ETNK1: variants seen among roughly 807,000 people sequenced by gnomAD.
ETNK1 encodes ethanolamine kinase 1.
In ETNK1, 8 loss-of-function variants were observed where a neutral mutation model predicts 45.1. That is an observed-to-expected ratio of 0.18 (90% confidence interval 0.10 to 0.32). The LOEUF is 0.32. Ranked by LOEUF, ETNK1 falls within the 10% of genes least tolerant of loss-of-function variation. The probability of loss-of-function intolerance (pLI) is 1.00; values close to 1 mark genes in which losing one functional copy is unlikely to be tolerated. For synonymous variants in ETNK1, 152 were observed against 151.9 expected (o/e 1.00, Z -0.01); for missense variants, 302 against 430.6 (o/e 0.70, Z 2.64).
At chr12:22,670,916 GA>G (rs1954101354) in intron 4 of ETNK1, among the ~76,000 whole-genome samples, 2 of 152,164 alleles carry the variant, frequency 1.3e-5, no homozygotes, top group African/African-American at 4.8e-5. Flanking sequence ...AATTTCCAAA[GA>G]TAAAAATTAT....
intron 2 of ETNK1, chr12:22,644,448 TTAATA>T (rs1252492809): frequency 3.1e-6 from 3 of 972,718 alleles, no homozygotes; most frequent in South Asian, 4.7e-5. Context: ...ATTATTTAAT[TTAATA>T]TATTATGTTT....
chr12:22,640,020 A>G (rs950254384), intron 1 of ETNK1, among the ~76,000 whole-genome samples: 13 of 152,174 alleles, frequency 8.5e-5, no homozygotes, highest in African/African-American at 3.1e-4. Context: ...TTTAATTGCC[A>G]ATTTTCAGAG....
At chr12:22,638,129 G>C (rs767688871) in intron 1 of ETNK1, among the ~76,000 whole-genome samples, 1 of 152,136 alleles carries the variant, frequency 6.6e-6, no homozygotes, top group Non-Finnish European at 1.5e-5. Context: ...TGGCAGAGAA[G>C]GGAAGGAGAA....
At chr12:22,625,857 C>T in intron 1 of ETNK1, 1 of 678,360 alleles carries the variant, frequency 1.5e-6, no homozygotes, top group South Asian at 1.5e-5. Context: ...GGGGAGATTC[C>T]TGCTGATAGT....
intron 4 of ETNK1, among the ~76,000 whole-genome samples, chr12:22,662,538 G>A (rs1200088647): frequency 6.6e-6 from 1 of 151,986 alleles, no homozygotes; most frequent in African/African-American, 2.4e-5. Context: ...GGGACTACAG[G>A]TACATGCCAT....
intron 4 of ETNK1, among the ~76,000 whole-genome samples, chr12:22,668,824 G>A (rs990700717): frequency 9.2e-5 from 14 of 152,100 alleles, no homozygotes; most frequent in Non-Finnish European, 1.9e-4. Flanking sequence ...ACTACAAAAA[G>A]TCATTGCTAA....
chr12:22,654,246 T>C (rs913108028), intron 2 of ETNK1, among the ~76,000 whole-genome samples: 1 of 152,312 alleles, frequency 6.6e-6, no homozygotes, highest in Middle Eastern at 3.4e-3. Context: ...TAAAGCAGCC[T>C]GAAAGGACTA....
intron 1 of ETNK1, among the ~76,000 whole-genome samples, chr12:22,626,709 A>G (rs574937826): frequency 3.7e-4 from 56 of 152,332 alleles, no homozygotes; most frequent in African/African-American, 1.3e-3. Context: ...AAGAGTTTTT[A>G]AGCAGATTAT....
chr12:22,676,404 A>G lies in ETNK1; in HGVS notation c.945+2744A>G, dbSNP rs139891471. Among the ~76,000 whole-genome samples the G allele has an allele frequency of 5.8e-3, 886 of 152,146 alleles. 6 individuals carry two copies. Among genetic ancestry groups the G allele is most frequent in the African/African-American group, 0.02 (839 of 41,476 alleles). Reference sequence around the variant, plus strand: ...GTGCCACATTTTCTTTATCCAATCTATCATTGATGGGCATTTGGGTTGGTT... The same window carrying G: ...GTGCCACATTTTCTTTATCCAATCTGTCATTGATGGGCATTTGGGTTGGTT... On this transcript the variant is annotated intron_variant, in intron 6 of 7. Transcript: ENST00000266517.
chr12:22,644,538 T>C (rs959652316), intron 2 of ETNK1: 24 of 334,294 alleles, frequency 7.2e-5, no homozygotes, highest in African/African-American at 5.0e-4. Context: ...CTTTCTGCTC[T>C]TGAAAACTCT....
rs868726554 is a variant in ETNK1, at chr12:22,655,337, T to G, written c.417-3677T>G. Among the ~76,000 whole-genome samples, 593 of 145,954 alleles carry G rather than the reference T, an allele frequency of 4.1e-3. 2 individuals carry two copies. Among genetic ancestry groups the G allele is most frequent in the Non-Finnish European group, 5.7e-3 (373 of 65,734 alleles). ...TATTTGGGGTTTGTTTGTTTTTTTTTTTTTTTTTTTTTTTTCGAGACGGAG... is the reference window on the plus strand; with the variant it reads ...TATTTGGGGTTTGTTTGTTTTTTTTGTTTTTTTTTTTTTTTCGAGACGGAG... On this transcript the variant is annotated intron_variant, in intron 2 of 7. Transcript: ENST00000266517.
chr12:22,679,013 A>T (rs1461212770), intron 6 of ETNK1, among the ~76,000 whole-genome samples: 2 of 152,252 alleles, frequency 1.3e-5, no homozygotes, highest in East Asian at 3.8e-4. Context: ...AAGTACTCAC[A>T]TATGGAGTTT....
At chr12:22,681,499 G>C (rs933750115) in intron 6 of ETNK1, among the ~76,000 whole-genome samples, 4 of 151,918 alleles carry the variant, frequency 2.6e-5, no homozygotes, top group Non-Finnish European at 4.4e-5. Context: ...ATTTAGACTA[G>C]TGGTTCTCAA....
chr12:22,632,348 C>A (rs1459728915), intron 1 of ETNK1, among the ~76,000 whole-genome samples: 2 of 151,936 alleles, frequency 1.3e-5, no homozygotes, highest in African/African-American at 4.8e-5. Flanking sequence ...TACATAGTTG[C>A]AATCATACGT....
rs1025226441 is a variant in ETNK1, at chr12:22,659,648, A to G, written c.557+494A>G. Among the ~76,000 whole-genome samples, 4 of 152,172 alleles carry G rather than the reference A, an allele frequency of 2.6e-5. No homozygotes were observed. In the East Asian group the frequency reaches 5.8e-4, roughly 22 times the overall value. On this transcript the variant is annotated intron_variant, in intron 3 of 7. Transcript: ENST00000266517. ...TGGAAATTACAGTAGTAGTATATTA[A>G]CCATATAGAGTTTTTGTGAGGATTG...
intron 2 of ETNK1, among the ~76,000 whole-genome samples, chr12:22,649,966 G>A (rs1170478433): frequency 6.6e-6 from 1 of 151,748 alleles, no homozygotes. Context: ...TTAGTTATTT[G>A]GTTTCTTTTA....
At chr12:22,680,142 C>T (rs1954200879) in intron 6 of ETNK1, among the ~76,000 whole-genome samples, 1 of 152,146 alleles carries the variant, frequency 6.6e-6, no homozygotes, top group Non-Finnish European at 1.5e-5. Flanking sequence ...CCCTAGTGTT[C>T]TGATTTGGGT....
intron 1 of ETNK1, among the ~76,000 whole-genome samples, chr12:22,634,463 T>G (rs1211620023): frequency 4.6e-5 from 7 of 152,190 alleles, no homozygotes; most frequent in African/African-American, 1.7e-4. Context: ...CTTTTTCTAT[T>G]TTTGGAAGAG....
intron 6 of ETNK1, among the ~76,000 whole-genome samples, chr12:22,680,902 C>G (rs958599265): frequency 1.4e-4 from 19 of 136,720 alleles, no homozygotes; most frequent in South Asian, 2.8e-4. Flanking sequence ...CCCCGCCCCC[C>G]CCTCCATTAT....
Sources: gnomAD v4.1 joint callset for allele counts (sites outside exome capture counted in the v4.1 genomes callset) on GRCh38, gnomAD v4.1.1 for gene constraint, MANE v1.5 for transcripts, NCBI Gene and HGNC (gene_info 2026-07-23, HGNC 2026-07-21) for gene names.